CCDC141: variants seen among roughly 807,000 people sequenced by gnomAD.
CCDC141 encodes coiled-coil domain containing 141.
CCDC141 carries 168 observed loss-of-function variants against 181.0 expected under a neutral mutation model. That is an observed-to-expected ratio of 0.93 (90% CI 0.82 to 1.05). The LOEUF (loss-of-function observed/expected upper bound fraction) is 1.05, where lower values mean the gene tolerates loss of function less well. Ranked by LOEUF, CCDC141 falls within the 50% of genes least tolerant of loss-of-function variation. The probability of loss-of-function intolerance (pLI) is 0.00; values close to 1 mark genes in which losing one functional copy is unlikely to be tolerated. For synonymous variants in CCDC141, 666 were observed against 642.3 expected (o/e 1.04, Z -0.56); for missense variants, 1,902 against 1,788.5 (o/e 1.06, Z -1.14).
chr2:178,954,838 C>G lies in CCDC141; in HGVS notation c.780+6392G>C, dbSNP rs906256598. On this transcript the variant is annotated intron_variant, in intron 5 of 23. Transcript: ENST00000443758. ...AAAAAAAAAACCAAAAAACTTTGCCCTTCAATGAAATGTGGTTTCATATGT... is the reference window on the plus strand; with the variant it reads ...AAAAAAAAAACCAAAAAACTTTGCCGTTCAATGAAATGTGGTTTCATATGT... 4.6e-5 allele frequency among the ~76,000 whole-genome samples: 7 copies of G among 152,100 alleles called. No individual in the cohort carries two copies. The East Asian group carries it at 5.8e-4, about 13-fold the overall frequency.
intron 2 of CCDC141, among the ~76,000 whole-genome samples, chr2:179,035,340 T>C (rs778210099): frequency 1.3e-5 from 2 of 152,162 alleles, no homozygotes; most frequent in Non-Finnish European, 2.9e-5. Flanking sequence ...ATAAAAACTC[T>C]TGTTTTCTTC....
At chr2:178,843,501 A>G (rs1340334835) in intron 22 of CCDC141, among the ~76,000 whole-genome samples, 1 of 152,162 alleles carries the variant, frequency 6.6e-6, no homozygotes, top group Non-Finnish European at 1.5e-5. Flanking sequence ...ACCATCACTA[A>G]TCTGTTAGCA....
chr2:178,975,118 A>T lies in CCDC141; in HGVS notation c.465T>A (p.His155Gln). Residue 155 changes from histidine (H) to glutamine (Q), a missense_variant, in exon 4 of 24, where the codon CAT (histidine) becomes CAA (glutamine). His to Gln is a conservative substitution (Grantham distance 24, BLOSUM62 0). Transcript: ENST00000443758. The stretch of plus-strand genomic sequence containing the variant: ...TTAAGGACTCAGCACTCTCAAACTC[A>T]TGAGTATTCTGGAGGAAATCTTCAG... Reference protein sequence around the residue: ...DQAEDFLQNTHEFESAESLKS... With the variant: ...DQAEDFLQNTQEFESAESLKS... The T allele has an allele frequency of 6.5e-7, 1 of 1,527,060 alleles. No homozygotes were observed. 94.6% of individuals were successfully genotyped at this position (1,527,060 alleles called of 1,614,324 possible). A position where few individuals can be genotyped will look rare whatever the true frequency, so the allele number is the denominator to read the frequency against.
Position 178,865,786 on chromosome 2 carries a change from A to C in CCDC141, c.2705T>G (p.Met902Arg), listed in dbSNP as rs961138374. Residue 902 changes from methionine to arginine, a missense_variant, in exon 17 of 24, where the codon ATG becomes AGG. By Grantham distance (91) the Met-to-Arg change is moderately conservative. Transcript: ENST00000443758. ...TLSRSVEYCA[M>R]RDEINELKDS... is the part of the protein sequence containing the mutation. ...ACCCACCTCATTTATCTCGTCTCTC[A>C]TGGCGCAGTACTCCACACTACGGGA... 1.6e-5 allele frequency: 25 copies of C among 1,560,176 alleles called. No homozygotes were observed. Among genetic ancestry groups the C allele is most frequent in the Non-Finnish European group, 2.0e-5 (23 of 1,155,410 alleles).
intron 2 of CCDC141, among the ~76,000 whole-genome samples, chr2:179,010,033 C>T (rs1244198251): frequency 2.0e-5 from 3 of 151,956 alleles, no homozygotes; most frequent in Non-Finnish European, 4.4e-5. Flanking sequence ...TAGAATTGAA[C>T]ATGTAGAAGA....
At chr2:179,038,352 A>G (rs2043200550) in intron 2 of CCDC141, among the ~76,000 whole-genome samples, 1 of 152,184 alleles carries the variant, frequency 6.6e-6, no homozygotes, top group Non-Finnish European at 1.5e-5. Context: ...AGAGCTTACC[A>G]GTGGAAGTAA....
chr2:178,821,794 C>A, the CCDC141 span, among the ~76,000 whole-genome samples: 1 of 152,186 alleles, frequency 6.6e-6, no homozygotes, highest in East Asian at 1.9e-4. Context: ...AATAGGAACA[C>A]TTTTACACTG....
intron 6 of CCDC141, among the ~76,000 whole-genome samples, chr2:178,932,927 C>A (rs1689155044): frequency 6.6e-6 from 1 of 152,118 alleles, no homozygotes; most frequent in South Asian, 2.1e-4. Flanking sequence ...TATTTTTTAA[C>A]TTTAAACTGA....
At chr2:179,032,648 G>A (rs1375394584) in intron 2 of CCDC141, among the ~76,000 whole-genome samples, 1 of 152,014 alleles carries the variant, frequency 6.6e-6, no homozygotes, top group African/African-American at 2.4e-5. Flanking sequence ...TCTATCTGCC[G>A]GCATTAACTC....
intron 20 of CCDC141, 91 bp from the exon 21 acceptor site, chr2:178,850,252 A>G: frequency 1.5e-6 from 1 of 663,636 alleles, no homozygotes; most frequent in Non-Finnish European, 2.7e-6. Flanking sequence ...TGTCCAGTGT[A>G]AGGGCTGATA....
chr2:178,994,535 A>G (rs932129257), intron 2 of CCDC141, among the ~76,000 whole-genome samples: 1 of 152,122 alleles, frequency 6.6e-6, no homozygotes, highest in Non-Finnish European at 1.5e-5. Flanking sequence ...CAGGCCTGTG[A>G]TGGGAGGGGC....
At chr2:179,010,470 G>A (rs2042235326) in intron 2 of CCDC141, among the ~76,000 whole-genome samples, 1 of 152,116 alleles carries the variant, frequency 6.6e-6, no homozygotes, top group African/African-American at 2.4e-5. Flanking sequence ...AACCCTAAAA[G>A]CTAGGAGGGA....
downstream of CCDC141, among the ~76,000 whole-genome samples, chr2:178,824,814 C>T (rs562220276): frequency 7.2e-5 from 11 of 151,978 alleles, no homozygotes; most frequent in African/African-American, 2.7e-4. Context: ...TAGGTTTGAA[C>T]AAAACCTATA....
Position 178,888,527 on chromosome 2 carries a change from C to A in CCDC141, c.1407G>T (p.Lys469Asn). 1 of 1,550,076 alleles carries A rather than the reference C, an allele frequency of 6.5e-7. No homozygotes were observed. Among genetic ancestry groups the A allele is most frequent in the Non-Finnish European group, 8.7e-7 (1 of 1,146,590 alleles). Residue 469 changes from lysine to asparagine, a missense_variant and splice_region_variant, in exon 9 of 24, where the codon AAG (lysine) becomes AAT (asparagine). Transcript: ENST00000443758. Reference sequence around the variant, plus strand: ...TTTAAGTTTTAGTTTACGAAACTACCTTCCGTAGGTAACCCTCCACTGAGG... The same window carrying A: ...TTTAAGTTTTAGTTTACGAAACTACATTCCGTAGGTAACCCTCCACTGAGG... ...LTASVEGYLR[K>N]VEMSIQKISP...
chr2:179,001,282 A>G (rs2041965346), intron 2 of CCDC141, among the ~76,000 whole-genome samples: 1 of 152,204 alleles, frequency 6.6e-6, no homozygotes, highest in Non-Finnish European at 1.5e-5. Flanking sequence ...GTGAACTCTT[A>G]GGGACATGAG....
chr2:178,912,156 T>G (rs1238570840), intron 7 of CCDC141, among the ~76,000 whole-genome samples: 1 of 152,190 alleles, frequency 6.6e-6, no homozygotes, highest in Non-Finnish European at 1.5e-5. Context: ...GAAAAGGACA[T>G]GTTTCTTACC....
chr2:179,045,994 T>G (rs1209443115), intron 2 of CCDC141, among the ~76,000 whole-genome samples: 1 of 152,208 alleles, frequency 6.6e-6, no homozygotes, highest in Non-Finnish European at 1.5e-5. Context: ...TTTCATTTAC[T>G]CAGTTACTTT....
At chr2:178,829,397 G>T (rs536436115), downstream of CCDC141, among the ~76,000 whole-genome samples, 2 of 152,198 alleles carry the variant, frequency 1.3e-5, no homozygotes, top group Non-Finnish European at 2.9e-5. Context: ...CAACACAAAG[G>T]CTTGTTCACC....
rs111517221 is a variant in CCDC141 at position 179,011,157 on chromosome 2, CA to C, written c.226-32483del. Among the ~76,000 whole-genome samples, 486 of 141,154 alleles carry C rather than the reference CA, an allele frequency of 3.4e-3. 2 individuals carry two copies. The highest frequency in any genetic ancestry group is 0.011 in the African/African-American group (428 of 38,672). The allele number at this position is 141,154 out of a possible 152,430, so 92.6% of individuals were successfully genotyped here. A position where few individuals can be genotyped will look rare whatever the true frequency, so the allele number is the denominator to read the frequency against. On this transcript the variant is annotated intron_variant, in intron 2 of 23. Coordinates refer to ENST00000443758, the MANE Select transcript of CCDC141 (RefSeq NM_173648.4). Reference sequence around the variant, plus strand: ...TGGGCAATAGGGTGAGACTCTGTCTCAAAAAAAAAAAGAGATACAGACTTGC... The same window carrying C: ...TGGGCAATAGGGTGAGACTCTGTCTCAAAAAAAAAAGAGATACAGACTTGC...
Sources: gnomAD v4.1 joint callset for allele counts (sites outside exome capture counted in the v4.1 genomes callset) on GRCh38, gnomAD v4.1.1 for gene constraint, MANE v1.5 for transcripts, NCBI Gene and HGNC (gene_info 2026-07-23, HGNC 2026-07-21) for gene names.